LITAF: variants seen among roughly 807,000 people sequenced by gnomAD.
LITAF encodes lipopolysaccharide-induced tumor necrosis factor-alpha factor.
LITAF carries 9 observed loss-of-function variants against 14.5 expected under a neutral mutation model. The observed-to-expected ratio is 0.62, with a 90% CI of 0.37 to 1.08. LITAF has a LOEUF of 1.08. Ranked by LOEUF, LITAF falls within the 50% of genes least tolerant of loss-of-function variation. LITAF has a pLI of 0.01. For synonymous variants in LITAF, 98 were observed against 88.2 expected (o/e 1.11, Z -0.62); for missense variants, 206 against 213.4 (o/e 0.97, Z 0.22).
chr16:11,579,319 C>T (rs1345812506), intron 1 of LITAF, among the ~76,000 whole-genome samples: 7 of 145,212 alleles, frequency 4.8e-5, no homozygotes, highest in Non-Finnish European at 7.6e-5. Flanking sequence ...GGCGCGGTGG[C>T]GGGCGCCTGT....
chr16:11,585,519 C>T (rs1016849828), intron 1 of LITAF, among the ~76,000 whole-genome samples: 10 of 152,130 alleles, frequency 6.6e-5, no homozygotes, highest in African/African-American at 1.2e-4. Context: ...GCAAGTCACA[C>T]GCCATCTAGA....
intron 3 of LITAF, among the ~76,000 whole-genome samples, chr16:11,603,668 G>A (rs1219192431): frequency 1.3e-5 from 2 of 152,174 alleles, no homozygotes; most frequent in African/African-American, 4.8e-5. Flanking sequence ...TCCCAACCCG[G>A]CCACCTCAGC....
intron 3 of LITAF, among the ~76,000 whole-genome samples, chr16:11,607,666 G>A (rs964084024): frequency 2.0e-5 from 3 of 152,030 alleles, no homozygotes; most frequent in African/African-American, 7.3e-5. Context: ...AAAAAGGCAA[G>A]GGTTGTGAAT....
rs1433586314 is a variant in LITAF at position 11,567,957 on chromosome 16, C to G, written c.-5-11222G>C. On this transcript the variant is annotated intron_variant, in intron 1 of 3. Coordinates refer to ENST00000622633, the MANE Select transcript of LITAF (RefSeq NM_001136472.2). Reference sequence around the variant, plus strand: ...TGAGATCATGCCACTGTGCTCCAGCCTGGGCAACAGAGCGAGACTCTGTCT... The same window carrying G: ...TGAGATCATGCCACTGTGCTCCAGCGTGGGCAACAGAGCGAGACTCTGTCT... Among the ~76,000 whole-genome samples the G allele has an allele frequency of 2.6e-5, 4 of 152,144 alleles. No individual in the cohort carries two copies. In the East Asian group the frequency reaches 7.7e-4, roughly 29 times the overall value.
chr16:11,555,243 G>A (rs2141710308), intron 2 of LITAF, among the ~76,000 whole-genome samples: 1 of 152,274 alleles, frequency 6.6e-6, no homozygotes, highest in Non-Finnish European at 1.5e-5. Flanking sequence ...CACTCAGGCT[G>A]GTTTGGAACT....
chr16:11,593,309 T>C (rs2064859732), intron 1 of LITAF, among the ~76,000 whole-genome samples: 1 of 141,946 alleles, frequency 7.0e-6, no homozygotes. Context: ...TGAGCCGAGA[T>C]TGCGCCAGTG....
rs573049846 is a variant in LITAF, at chr16:11,566,515, A to G, written c.-5-9780T>C. Among the ~76,000 whole-genome samples the G allele has an allele frequency of 4.6e-5, 7 of 152,246 alleles. No homozygotes were observed. The East Asian group carries it at 7.7e-4, about 17-fold the overall frequency. ...GTGGTGGCTCATGCCTGAAATCCCA[A>G]CACTTTGGGAGGCCAAGGCAGAAGG... On this transcript the variant is annotated intron_variant, in intron 1 of 3. Coordinates refer to ENST00000622633, the MANE Select transcript of LITAF (RefSeq NM_001136472.2).
intron 2 of LITAF, among the ~76,000 whole-genome samples, chr16:11,554,842 C>A (rs545206602): frequency 6.7e-6 from 1 of 148,602 alleles, no homozygotes; most frequent in Non-Finnish European, 1.5e-5. Flanking sequence ...AATCATCAAG[C>A]ACTTCAGTTG....
Position 11,553,640 on chromosome 16 carries a change from G to A in LITAF, c.270C>T (p.Arg90=), listed in dbSNP as rs778203410. ...AGGAAGGACAACACATTTGGATAGG[G>A]CGGTCCAAAAAGGTGATGGGGTGCT... The part of the protein sequence containing the change: ...YVQHPITFLD[R]PIQMCCPSCN... Residue 90 remains arginine, a synonymous_variant, in exon 3 of 4, where the codon CGC becomes CGT. Transcript: ENST00000622633. This position sits in a 1 kb window ranked among gnomAD's most constrained non-coding sequence, Gnocchi z 7.7. The A allele has an allele frequency of 7.4e-6, 12 of 1,614,004 alleles. No homozygotes were observed. Among genetic ancestry groups the A allele is most frequent in the South Asian group, 1.1e-5 (1 of 91,084 alleles).
At chr16:11,575,758 T>G (rs923756890) in intron 1 of LITAF, among the ~76,000 whole-genome samples, 3 of 152,184 alleles carry the variant, frequency 2.0e-5, no homozygotes, top group Non-Finnish European at 4.4e-5. Context: ...AAAAACCAAG[T>G]TGAAACACAG....
intron 1 of LITAF, among the ~76,000 whole-genome samples, chr16:11,584,617 C>T (rs2064782340): frequency 6.6e-6 from 1 of 152,152 alleles, no homozygotes. Flanking sequence ...CACATGTGCT[C>T]AGGCCTCAGT....
At chr16:11,573,206 A>G (rs2064573470) in intron 1 of LITAF, among the ~76,000 whole-genome samples, 1 of 152,152 alleles carries the variant, frequency 6.6e-6, no homozygotes, top group Admixed American at 6.5e-5. Context: ...CAGGGGTTAC[A>G]GGAGTGAGCC....
intron 3 of LITAF, among the ~76,000 whole-genome samples, chr16:11,625,046 A>G (rs1373337512): frequency 6.6e-6 from 1 of 152,152 alleles, no homozygotes; most frequent in African/African-American, 2.4e-5. Flanking sequence ...CAGGAAGGTG[A>G]GACAAACTGC....
upstream of LITAF, chr16:11,587,489 C>A (rs1170803733): frequency 2.2e-6 from 1 of 453,444 alleles, no homozygotes; most frequent in Non-Finnish European, 4.4e-6. Context: ...TTCCTGTCTG[C>A]AAAATGGGCA....
Position 11,634,160 on chromosome 16 carries a change from C to A in LITAF, c.-20-523G>T, listed in dbSNP as rs1351355829. ...TATACACACATGCACACAGGTGAGA[C>A]CATCTTTGCAAAAATTATAACAGAA... On this transcript the variant is annotated intron_variant, in intron 2 of 3. Transcript: ENST00000574848. This position sits in a 1 kb window ranked among gnomAD's most constrained non-coding sequence, Gnocchi z 4.1. Among the ~76,000 whole-genome samples, 2 of 152,116 alleles carry A rather than the reference C, an allele frequency of 1.3e-5. No homozygotes were observed. The highest frequency in any genetic ancestry group is 4.8e-5 in the African/African-American group (2 of 41,436).
rs1254481181 is a variant in LITAF at position 11,548,440 on chromosome 16, C to A, written c.*1197G>T. On this transcript the variant is annotated 3_prime_UTR_variant, in exon 4 of 4. Coordinates refer to ENST00000622633, the MANE Select transcript of LITAF (RefSeq NM_001136472.2). Reference sequence around the variant, plus strand: ...AAGCATCCGCACCATGGTACCCAGACATGCTCAAAATGTGCTTTCCCTTAT... The same window carrying A: ...AAGCATCCGCACCATGGTACCCAGAAATGCTCAAAATGTGCTTTCCCTTAT... 1 of 454,026 alleles carries A rather than the reference C, an allele frequency of 2.2e-6. No homozygotes were observed. The highest frequency in any genetic ancestry group is 4.4e-6 in the Non-Finnish European group (1 of 226,776). The allele number at this position is 454,026 out of a possible 1,614,324, so 28.1% of individuals were successfully genotyped here.
chr16:11,608,856 G>A (rs1366403795), intron 3 of LITAF, among the ~76,000 whole-genome samples: 12 of 152,142 alleles, frequency 7.9e-5, no homozygotes, highest in African/African-American at 2.2e-4. Context: ...TCAGCTACTC[G>A]GGAGGCCGAG....
intron 3 of LITAF, among the ~76,000 whole-genome samples, chr16:11,618,080 T>A (rs1200940959): frequency 6.6e-6 from 1 of 152,134 alleles, no homozygotes; most frequent in Non-Finnish European, 1.5e-5. Flanking sequence ...CTCACTATGT[T>A]GCCCAAGCTG....
rs911516866 is a variant in LITAF at position 11,632,838 on chromosome 16, C to T, written c.85+695G>A. Among the ~76,000 whole-genome samples the T allele has an allele frequency of 2.6e-5, 4 of 152,094 alleles. No homozygotes were observed. The highest frequency in any genetic ancestry group is 2.1e-4 in the South Asian group (1 of 4,826). ...CGCCTCCTCGTCCTTCTTCTTCTGC[C>T]GAATGCCTGGAATTCCACAGGAATT... On this transcript the variant is annotated intron_variant, in intron 3 of 3. Transcript: ENST00000574848. The surrounding 1 kb of genome is among the most constrained non-coding windows in gnomAD (Gnocchi z 4.8).
Sources: gnomAD v4.1 joint callset for allele counts (sites outside exome capture counted in the v4.1 genomes callset) on GRCh38, gnomAD v4.1.1 for gene constraint, Gnocchi (gnomAD v3.1) non-coding constraint, MANE v1.5 for transcripts, NCBI Gene and HGNC (gene_info 2026-07-23, HGNC 2026-07-21) for gene names.